The following CTDSP2 variants were observed in gnomAD, a reference collection of about 807,000 sequenced individuals.
CTDSP2 encodes the protein carboxy-terminal domain RNA polymerase II polypeptide A small phosphatase 2.
CTDSP2 carries 9 observed loss-of-function variants against 31.6 expected under a neutral mutation model. That is an observed-to-expected ratio of 0.28 (90% CI 0.17 to 0.50). CTDSP2 has a LOEUF of 0.50. Ranked by LOEUF, CTDSP2 falls within the 20% of genes least tolerant of loss-of-function variation. CTDSP2 has a pLI of 0.98. For missense variants in CTDSP2, 267 were observed against 348.5 expected (o/e 0.77, Z 1.86); for synonymous variants, 134 against 134.5 (o/e 1.00, Z 0.03).
At chr12:57,830,176 A>G (rs554413745) in intron 1 of CTDSP2, among the ~76,000 whole-genome samples, 8 of 152,250 alleles carry the variant, frequency 5.3e-5, no homozygotes, top group South Asian at 4.1e-4. Context: ...ACGAGGTCAG[A>G]AGATTGAGAC....
rs777471716 is a variant in CTDSP2 at position 57,824,361 on chromosome 12, T to G, written c.412-42A>C. 9.5e-6 allele frequency: 14 copies of G among 1,478,186 alleles called. No individual in the cohort carries two copies. In the Admixed American group the frequency reaches 2.3e-4, roughly 25 times the overall value. The allele number at this position is 1,478,186 out of a possible 1,614,324, so 91.6% of individuals were successfully genotyped here. A position where few individuals can be genotyped will look rare whatever the true frequency, so the allele number is the denominator to read the frequency against. On this transcript the variant is annotated intron_variant, in intron 5 of 7. Transcript: ENST00000398073. Reference sequence around the variant, plus strand: ...CAGCCTGTTGGAGGCATCCCTGTGATGAAGGTTTGCAGTACTGGGTACCTT... The same window carrying G: ...CAGCCTGTTGGAGGCATCCCTGTGAGGAAGGTTTGCAGTACTGGGTACCTT...
intron 1 of CTDSP2, among the ~76,000 whole-genome samples, chr12:57,840,568 C>T (rs1956276631): frequency 6.6e-6 from 1 of 152,144 alleles, no homozygotes; most frequent in South Asian, 2.1e-4. Flanking sequence ...ATCTACTATC[C>T]AGGAAGCCTT....
At chr12:57,825,531 A>G (rs987852517) in intron 5 of CTDSP2, among the ~76,000 whole-genome samples, 2 of 152,242 alleles carry the variant, frequency 1.3e-5, no homozygotes, top group South Asian at 4.1e-4. Context: ...GCACATCCCT[A>G]TACCCTCAGC....
intron 5 of CTDSP2, among the ~76,000 whole-genome samples, chr12:57,825,199 C>T (rs889050284): frequency 2.0e-5 from 3 of 152,108 alleles, no homozygotes; most frequent in South Asian, 2.1e-4. Context: ...CAAAGAGAGT[C>T]GGCCTGCTGT....
intron 1 of CTDSP2, among the ~76,000 whole-genome samples, chr12:57,841,010 C>A (rs1956279610): frequency 6.6e-6 from 1 of 152,164 alleles, no homozygotes; most frequent in Non-Finnish European, 1.5e-5. Context: ...GGTCTCTGGT[C>A]CAGAGATGCT....
chr12:57,831,553 G>C (rs1015008353), intron 1 of CTDSP2, among the ~76,000 whole-genome samples: 4 of 152,344 alleles, frequency 2.6e-5, no homozygotes, highest in African/African-American at 9.6e-5. Flanking sequence ...ACTGTGGCCA[G>C]GAGGTGGCAC....
intron 1 of CTDSP2, chr12:57,845,328 C>A (rs1037578561): frequency 6.6e-6 from 1 of 152,276 alleles, no homozygotes; most frequent in African/African-American, 2.4e-5. Flanking sequence ...AAAAGAAGAA[C>A]GTGGCGGAGG....
rs767635273 is a variant in CTDSP2 at position 57,829,524 on chromosome 12, C to T, written c.137G>A (p.Arg46His). Residue 46 changes from arginine (R) to histidine (H), a missense_variant, in exon 2 of 8, where the codon CGC (arginine) becomes CAC (histidine). By Grantham distance (29) the Arg-to-His change is conservative. This residue lies in a region of CTDSP2 where 111 missense variants were observed against 107.1 expected (regional missense o/e 1.04). Transcript: ENST00000398073. ...NIFKALFCCF[R>H]AQHVGQSSSS... ...ACTTGACTGGCCAACATGCTGGGCGCGAAAACAGCAGAAAAGGGCCTTGAA... is the reference window on the plus strand; with the variant it reads ...ACTTGACTGGCCAACATGCTGGGCGTGAAAACAGCAGAAAAGGGCCTTGAA... The T allele has an allele frequency of 1.2e-4, 188 of 1,613,934 alleles. 1 individual carries two copies. In the Admixed American group the frequency reaches 2.6e-3, roughly 23 times the overall value.
chr12:57,824,094 G>A lies in CTDSP2; in HGVS notation c.505-5C>T. The A allele has an allele frequency of 6.2e-7, 1 of 1,613,866 alleles. No homozygotes were observed. The highest frequency in any genetic ancestry group is 8.5e-7 in the Non-Finnish European group (1 of 1,179,882). On this transcript the variant is annotated splice_region_variant and splice_polypyrimidine_tract_variant and intron_variant, in intron 6 of 7. Coordinates refer to ENST00000398073, the MANE Select transcript of CTDSP2 (RefSeq NM_005730.4). ...GTCTGTCACAGGGTCGGCATACTAG[G>A]AGGAGAGAAGATGCCTTAGTTTGGA...
intron 1 of CTDSP2, among the ~76,000 whole-genome samples, chr12:57,831,103 T>A (rs1157006270): frequency 1.8e-3 from 224 of 121,406 alleles, no homozygotes; most frequent in African/African-American, 2.5e-3. Context: ...GCCAAGCAGA[T>A]AAAAAAAAAA....
rs1358414978 is a variant in CTDSP2 at position 57,829,449 on chromosome 12, T to G, written c.212A>C (p.Lys71Thr). Reference protein sequence around the residue: ...AYKEEANTIAKSDLLQCLQYQ... With the variant: ...AYKEEANTIATSDLLQCLQYQ... ...ATCTTACCACCCCAACCCACCTACC[T>G]TAGCAATGGTGTTTGCTTCCTCCTT... Residue 71 changes from lysine to threonine, a missense_variant and splice_region_variant, in exon 2 of 8, where the codon AAG (lysine) becomes ACG (threonine). Lys to Thr is a moderately conservative substitution (Grantham distance 78, BLOSUM62 -1). Coordinates refer to ENST00000398073, the MANE Select transcript of CTDSP2 (RefSeq NM_005730.4). 6.2e-7 allele frequency: 1 copy of G among 1,613,424 alleles called. No individual in the cohort carries two copies.
At chr12:57,836,700 G>A (rs943729095) in intron 1 of CTDSP2, among the ~76,000 whole-genome samples, 4 of 151,722 alleles carry the variant, frequency 2.6e-5, no homozygotes, top group African/African-American at 9.7e-5. Flanking sequence ...ACACACAAAC[G>A]AAGACCAGAG....
At chr12:57,834,439 A>G (rs1437591247) in intron 1 of CTDSP2, among the ~76,000 whole-genome samples, 1 of 152,154 alleles carries the variant, frequency 6.6e-6, no homozygotes, top group Non-Finnish European at 1.5e-5. Flanking sequence ...AAACAGCACA[A>G]GGCTCTGGGA....
At chr12:57,837,321 A>G (rs1249260921) in intron 1 of CTDSP2, 2 of 152,268 alleles carry the variant, frequency 1.3e-5, no homozygotes, top group Non-Finnish European at 2.9e-5. Context: ...GGCCACTGAC[A>G]CTGTTCTCTA....
chr12:57,823,964 C>T lies in CTDSP2; in HGVS notation c.630G>A (p.Leu210=). ...AGTTGTCCAGGATGAGGGTCTTTCT[C>T]AGGTCCCTCCCCAGGCGGCTGAGGT... ...VKDLSRLGRD[L]RKTLILDNSP... Residue 210 remains leucine (L), a synonymous_variant, in exon 7 of 8, where the codon CTG becomes CTA. Transcript: ENST00000398073. 1 of 1,614,132 alleles carries T rather than the reference C, an allele frequency of 6.2e-7. No homozygotes were observed. The highest frequency in any genetic ancestry group is 8.5e-7 in the Non-Finnish European group (1 of 1,180,008).
intron 1 of CTDSP2, among the ~76,000 whole-genome samples, chr12:57,835,654 G>T (rs1956243399): frequency 1.3e-5 from 2 of 152,220 alleles, no homozygotes; most frequent in Admixed American, 1.3e-4. Context: ...GGGGCTAGAT[G>T]TCTGAGAGGA....
intron 2 of CTDSP2, among the ~76,000 whole-genome samples, chr12:57,828,649 A>G (rs1956197809): frequency 6.6e-6 from 1 of 152,122 alleles, no homozygotes; most frequent in Non-Finnish European, 1.5e-5. Flanking sequence ...AAAGCTAATC[A>G]CTCAGTAATA....
intron 1 of CTDSP2, among the ~76,000 whole-genome samples, chr12:57,832,172 C>G (rs1956219492): frequency 6.6e-6 from 1 of 152,210 alleles, no homozygotes; most frequent in African/African-American, 2.4e-5. Flanking sequence ...CTGGGTTAGG[C>G]CAGATTCCTT....
rs1349775680 is a variant in CTDSP2 at position 57,820,154 on chromosome 12, C to G, written c.*3448G>C. On this transcript the variant is annotated 3_prime_UTR_variant, in exon 8 of 8. Transcript: ENST00000398073. ...ATGGCATCTTGAAGGGGGAAAGCGG[C>G]ACGAAATGGAACATGATAAGCAAAA... The G allele has an allele frequency of 1.3e-5, 2 of 152,464 alleles. No homozygotes were observed. Among genetic ancestry groups the G allele is most frequent in the East Asian group, 3.9e-4 (2 of 5,186 alleles). The allele number at this position is 152,464 out of a possible 1,614,324, so 9.4% of individuals were successfully genotyped here.
Sources: gnomAD v4.1 joint callset for allele counts (sites outside exome capture counted in the v4.1 genomes callset) on GRCh38, gnomAD v4.1.1 for gene constraint, gnomAD v4.1.1 regional missense constraint, MANE v1.5 for transcripts, NCBI Gene and HGNC (gene_info 2026-07-23, HGNC 2026-07-21) for gene names.